TBL1X: variants seen among roughly 807,000 people sequenced by gnomAD.
TBL1X encodes the protein transducin beta like 1 X-linked.
Under a neutral mutation model 50.7 loss-of-function variants are expected in TBL1X, and 10 were observed. The ratio of observed to expected loss-of-function variants is 0.20; its 90% CI spans 0.12 to 0.33. TBL1X has a LOEUF of 0.33. TBL1X is among the 10% of genes least tolerant of loss of function. The pLI is 1.00. For missense variants in TBL1X, 340 were observed against 504.4 expected, an observed-to-expected ratio of 0.67 and a Z score of 3.12; for synonymous variants, 190 against 214.7, an observed-to-expected ratio of 0.88 and a Z score of 1.01.
At chrX:9,559,485 T>A (rs942222941) in intron 2 of TBL1X, among the ~76,000 whole-genome samples, 1 of 111,613 alleles carries the variant, frequency 9.0e-6, no homozygotes, top group Middle Eastern at 4.6e-3. Flanking sequence ...CGAAGTATAT[T>A]TCTAAATTTA....
intron 3 of TBL1X, among the ~76,000 whole-genome samples, chrX:9,644,395 G>A (rs2082791385): frequency 8.9e-6 from 1 of 111,738 alleles, no homozygotes; most frequent in African/African-American, 3.3e-5. Flanking sequence ...GCCAGAGGAG[G>A]AGAGGATGAA....
intron 12 of TBL1X, among the ~76,000 whole-genome samples, chrX:9,700,652 T>C (rs918562633): frequency 8.9e-5 from 10 of 111,747 alleles, no homozygotes; most frequent in African/African-American, 3.3e-4. Flanking sequence ...TGGGAAGAGC[T>C]GTGAGGAGCG....
chrX:9,709,630 T>C lies in TBL1X; in HGVS notation c.1312-3T>C. 6 of 1,209,407 alleles carry C rather than the reference T, an allele frequency of 5.0e-6. No homozygotes were observed. The highest frequency in any genetic ancestry group is 6.7e-6 in the Non-Finnish European group (6 of 894,354). ...CTCATGTTGTGTCTGGTGTGTTCTG[T>C]AGATCTGGAGCATGAAACAGGAGGT... is the stretch of plus-strand genomic sequence containing the variant. On this transcript the variant is annotated splice_polypyrimidine_tract_variant and splice_region_variant and intron_variant, in intron 14 of 17. Coordinates refer to ENST00000645353, the MANE Select transcript of TBL1X (RefSeq NM_005647.4).
At chrX:9,668,991 A>G (rs942102653) in intron 5 of TBL1X, among the ~76,000 whole-genome samples, 19 of 112,159 alleles carry the variant, frequency 1.7e-4, no homozygotes, top group African/African-American at 6.2e-4. Context: ...TTATTTTGCA[A>G]GTAAATTTGT....
chrX:9,508,622 A>G (rs1199533811), intron 2 of TBL1X, among the ~76,000 whole-genome samples: 2 of 112,192 alleles, frequency 1.8e-5, no homozygotes, highest in Non-Finnish European at 3.8e-5. Flanking sequence ...ATTCTGCTAT[A>G]AAGATGCATG....
At chrX:9,554,216 A>C (rs2082284230) in intron 2 of TBL1X, among the ~76,000 whole-genome samples, 1 of 112,517 alleles carries the variant, frequency 8.9e-6, no homozygotes, top group Admixed American at 9.4e-5. Context: ...ATCACTTTCC[A>C]AGCTTTTTGT....
At chrX:9,509,309 T>C (rs1403957547) in intron 2 of TBL1X, among the ~76,000 whole-genome samples, 2 of 92,083 alleles carry the variant, frequency 2.2e-5, no homozygotes, top group African/African-American at 4.3e-5. Flanking sequence ...GAGAATGGCA[T>C]GAACCCGGGA....
intron 2 of TBL1X, among the ~76,000 whole-genome samples, chrX:9,590,137 T>C (rs1277635080): frequency 8.9e-6 from 1 of 111,870 alleles, no homozygotes; most frequent in Non-Finnish European, 1.9e-5. Flanking sequence ...ACTATAGGAA[T>C]GTGGGCTCCT....
chrX:9,673,413 T>C (rs1488288980), intron 5 of TBL1X, among the ~76,000 whole-genome samples: 2 of 111,215 alleles, frequency 1.8e-5, no homozygotes, highest in Admixed American at 1.9e-4. Context: ...TATTGACAGA[T>C]GAAACTGTTT....
At chrX:9,665,045 A>G (rs1011186784) in intron 5 of TBL1X, among the ~76,000 whole-genome samples, 1 of 110,574 alleles carries the variant, frequency 9.0e-6, no homozygotes, top group Non-Finnish European at 1.9e-5. Flanking sequence ...TTCTTGGGAA[A>G]TGGAGTTTTA....
intron 2 of TBL1X, among the ~76,000 whole-genome samples, chrX:9,575,174 G>A (rs1298398623): frequency 9.0e-6 from 1 of 111,141 alleles, no homozygotes; most frequent in Non-Finnish European, 1.9e-5. Context: ...GAGGGGAAGC[G>A]CCATACTTCT....
At chrX:9,520,358 G>C (rs2082101156) in intron 2 of TBL1X, among the ~76,000 whole-genome samples, 1 of 111,430 alleles carries the variant, frequency 9.0e-6, no homozygotes, top group African/African-American at 3.3e-5. Flanking sequence ...AAGACACAAG[G>C]CAGAGGTGTA....
In TBL1X at chrX:9,507,153, C is replaced by T. The variant is rs942185411; in HGVS notation, c.-131+5304C>T. ...ATAGGAAGAGAGGAAGTCAAGTTGT[C>T]TCTGTTTGCAGATGATGTGATTTTG... On this transcript the variant is annotated intron_variant, in intron 2 of 17. Coordinates refer to ENST00000645353, the MANE Select transcript of TBL1X (RefSeq NM_005647.4). Among the ~76,000 whole-genome samples the T allele has an allele frequency of 3.6e-5, 4 of 112,295 alleles. No individual in the cohort carries two copies. In the East Asian group the frequency reaches 1.1e-3, roughly 31 times the overall value.
intron 5 of TBL1X, among the ~76,000 whole-genome samples, chrX:9,664,456 C>T (rs2082915594): frequency 9.0e-6 from 1 of 110,645 alleles, no homozygotes; most frequent in Non-Finnish European, 1.9e-5. Flanking sequence ...CACTGTGGGG[C>T]CGTTGGAAAC....
At chrX:9,477,866 C>T (rs1469397915) in intron 1 of TBL1X, among the ~76,000 whole-genome samples, 1 of 111,720 alleles carries the variant, frequency 9.0e-6, no homozygotes, top group East Asian at 2.8e-4. Flanking sequence ...CCATGAATAT[C>T]CTTCGTGTCT....
intron 2 of TBL1X, among the ~76,000 whole-genome samples, chrX:9,621,485 G>T (rs2146568595): frequency 8.9e-6 from 1 of 111,738 alleles, no homozygotes; most frequent in South Asian, 3.7e-4. Context: ...TAAAATAAGG[G>T]AGATGGCCTA....
chrX:9,589,527 T>C (rs1488030234), intron 2 of TBL1X, among the ~76,000 whole-genome samples: 1 of 111,487 alleles, frequency 9.0e-6, no homozygotes, highest in Non-Finnish European at 1.9e-5. Context: ...GATCGGAGTT[T>C]GCTGTCTTGC....
At chrX:9,715,675 A>G (rs112089463) in intron 17 of TBL1X, among the ~76,000 whole-genome samples, 4 of 111,974 alleles carry the variant, frequency 3.6e-5, no homozygotes, top group African/African-American at 1.3e-4. Context: ...TAAACCTCCT[A>G]CTGTGCACAG....
At chrX:9,595,359 C>T (rs1439424444) in intron 2 of TBL1X, among the ~76,000 whole-genome samples, 2 of 112,444 alleles carry the variant, frequency 1.8e-5, no homozygotes, top group Non-Finnish European at 3.8e-5. Flanking sequence ...AGTCAGGTTA[C>T]ATCAGTATAC....
Sources: gnomAD v4.1 joint callset for allele counts (sites outside exome capture counted in the v4.1 genomes callset) on GRCh38, gnomAD v4.1.1 for gene constraint, MANE v1.5 for transcripts, NCBI Gene and HGNC (gene_info 2026-07-23, HGNC 2026-07-21) for gene names.